The following AK5 variants were observed in gnomAD, a reference collection of about 807,000 sequenced individuals.
AK5 encodes the protein adenylate kinase isoenzyme 5.
A neutral mutation model predicts 69.5 loss-of-function variants in AK5; 27 were observed. The observed-to-expected ratio is 0.39, with a 90% CI of 0.29 to 0.54. The LOEUF (loss-of-function observed/expected upper bound fraction) is 0.54, where lower values mean the gene tolerates loss of function less well. AK5 is among the 20% of genes least tolerant of loss of function. AK5 has a pLI of 0.71. For missense variants in AK5, 531 were observed against 700.4 expected (o/e 0.76, Z 2.73); for synonymous variants, 260 against 244.4 (o/e 1.06, Z -0.60).
chr1:77,528,115 G>A (rs1161078215), intron 12 of AK5, among the ~76,000 whole-genome samples: 1 of 152,102 alleles, frequency 6.6e-6, no homozygotes, highest in East Asian at 1.9e-4. Context: ...TACAAACACA[G>A]AATGAGCTAC....
intron 6 of AK5, among the ~76,000 whole-genome samples, chr1:77,398,861 A>G (rs1313010281): frequency 6.6e-6 from 1 of 152,138 alleles, no homozygotes; most frequent in Non-Finnish European, 1.5e-5. Context: ...TCTATATTGA[A>G]TTGCATCCTG....
chr1:77,455,779 C>T (rs1419248940), intron 8 of AK5, among the ~76,000 whole-genome samples: 1 of 152,124 alleles, frequency 6.6e-6, no homozygotes, highest in Non-Finnish European at 1.5e-5. Context: ...GTTCACGCCC[C>T]ACCCCCAGAG....
intron 12 of AK5, chr1:77,532,007 C>T (rs1026552113): frequency 2.0e-5 from 3 of 151,526 alleles, no homozygotes; most frequent in African/African-American, 7.2e-5. Context: ...GCCGGCCGGC[C>T]GCTCCGAGTG....
intron 13 of AK5, among the ~76,000 whole-genome samples, chr1:77,551,668 G>A (rs1051570990): frequency 2.6e-5 from 4 of 152,048 alleles, no homozygotes; most frequent in African/African-American, 4.8e-5. Context: ...GAGGTGCTGC[G>A]TGCTGAGTCC....
chr1:77,510,518 A>AAAAAAG (rs1657280138), intron 10 of AK5, among the ~76,000 whole-genome samples: 2 of 152,214 alleles, frequency 1.3e-5, no homozygotes, highest in African/African-American at 2.4e-5. Context: ...CCGCTGCTAA[A>AAAAAAG]AAAAAGAAAA....
intron 10 of AK5, among the ~76,000 whole-genome samples, chr1:77,512,682 A>G (rs1035725196): frequency 1.3e-5 from 2 of 152,196 alleles, no homozygotes; most frequent in Non-Finnish European, 2.9e-5. Context: ...CCAAAGGACT[A>G]TAAATCATGC....
chr1:77,499,181 T>G lies in AK5; in HGVS notation c.1147+12829T>G, dbSNP rs76474296. On this transcript the variant is annotated intron_variant, in intron 10 of 13. Coordinates refer to ENST00000354567, the MANE Select transcript of AK5 (RefSeq NM_174858.3). Reference sequence around the variant, plus strand: ...AATGTAACACTCACAAAGTATTTCCTTTCCAACTTGCTCCAGGCTCCTCTG... The same window carrying G: ...AATGTAACACTCACAAAGTATTTCCGTTCCAACTTGCTCCAGGCTCCTCTG... Among the ~76,000 whole-genome samples the G allele has an allele frequency of 1.5e-3, 232 of 152,338 alleles. 1 individual carries two copies. The highest frequency in any genetic ancestry group is 5.4e-3 in the African/African-American group (224 of 41,582).
chr1:77,387,639 C>G (rs889171905), intron 6 of AK5, among the ~76,000 whole-genome samples: 8 of 152,194 alleles, frequency 5.3e-5, no homozygotes, highest in African/African-American at 1.9e-4. Flanking sequence ...CCCAATCATA[C>G]TCCCAGGCTG....
chr1:77,360,507 G>GT (rs902365679), intron 6 of AK5, among the ~76,000 whole-genome samples: 2 of 152,246 alleles, frequency 1.3e-5, no homozygotes, highest in South Asian at 2.1e-4. Flanking sequence ...GGGGGTGGAT[G>GT]TCAGAAAATG....
intron 8 of AK5, among the ~76,000 whole-genome samples, chr1:77,483,076 G>A (rs983023025): frequency 2.9e-5 from 4 of 136,992 alleles, no homozygotes; most frequent in African/African-American, 1.1e-4. Flanking sequence ...AAGAGAGCAT[G>A]TACTTGGGAC....
chr1:77,341,425 C>T (rs1225553922), intron 6 of AK5, among the ~76,000 whole-genome samples: 4 of 152,176 alleles, frequency 2.6e-5, no homozygotes, highest in Non-Finnish European at 2.9e-5. Context: ...CCCTCGGGCC[C>T]GGGCCAGTGG....
chr1:77,515,376 A>G (rs1458325804), intron 10 of AK5, among the ~76,000 whole-genome samples: 1 of 152,232 alleles, frequency 6.6e-6, no homozygotes, highest in African/African-American at 2.4e-5. Flanking sequence ...GCACAAAGAA[A>G]GGAGTTTTAA....
chr1:77,524,637 T>G (rs1204214447), intron 12 of AK5, among the ~76,000 whole-genome samples: 1 of 152,212 alleles, frequency 6.6e-6, no homozygotes, highest in African/African-American at 2.4e-5. Flanking sequence ...ATATTTTGGA[T>G]AGTAACTCCT....
chr1:77,378,934 G>A (rs1045055094), intron 6 of AK5, among the ~76,000 whole-genome samples: 2 of 152,172 alleles, frequency 1.3e-5, no homozygotes, highest in Non-Finnish European at 2.9e-5. Context: ...CAGCTGTTAT[G>A]TTTGAGATGG....
At chr1:77,409,605 A>T (rs577067712) in intron 6 of AK5, among the ~76,000 whole-genome samples, 2 of 152,120 alleles carry the variant, frequency 1.3e-5, no homozygotes, top group Non-Finnish European at 1.5e-5. Context: ...ACTCTTGTAA[A>T]TTTGTTTAAG....
intron 1 of AK5, chr1:77,282,770 C>G (rs888838506): frequency 1.5e-5 from 15 of 1,007,616 alleles, no homozygotes; most frequent in Non-Finnish European, 1.7e-5. Flanking sequence ...ACTGAGGGAG[C>G]CAGAGCCCTA....
At chr1:77,481,641 C>G (rs1046577442) in intron 8 of AK5, among the ~76,000 whole-genome samples, 2 of 152,208 alleles carry the variant, frequency 1.3e-5, no homozygotes, top group African/African-American at 2.4e-5. Context: ...ATTTAACTGA[C>G]TCAGGCATCA....
intron 5 of AK5, among the ~76,000 whole-genome samples, chr1:77,338,438 G>T (rs556927861): frequency 6.6e-6 from 1 of 152,204 alleles, no homozygotes; most frequent in Non-Finnish European, 1.5e-5. Flanking sequence ...GTGGGAAGTT[G>T]CTGAGATTAA....
chr1:77,475,399 A>C lies in AK5; in HGVS notation c.1060-7918A>C, dbSNP rs556813779. ...TATATTATATATATGTATATATATA[A>C]TATATATGTATATATATACTATATA... On this transcript the variant is annotated intron_variant, in intron 8 of 13. Transcript: ENST00000354567. Among the ~76,000 whole-genome samples the C allele has an allele frequency of 6.0e-3, 113 of 18,728 alleles. 10 individuals carry two copies. In the South Asian group the frequency reaches 0.085, roughly 14 times the overall value. 12.3% of individuals were successfully genotyped at this position (18,728 alleles called of 152,430 possible).
Sources: allele counts gnomAD v4.1 joint callset (sites outside exome capture counted in the v4.1 genomes callset), GRCh38; gene constraint gnomAD v4.1.1; transcripts MANE v1.5; gene names NCBI Gene and HGNC (gene_info 2026-07-23, HGNC 2026-07-21).